WWTR1: variants seen among roughly 807,000 people sequenced by gnomAD.
WWTR1 encodes WW domain-containing transcription regulator protein 1.
A neutral mutation model predicts 40.1 loss-of-function variants in WWTR1; 13 were observed. The observed-to-expected ratio is 0.32, with a 90% CI of 0.21 to 0.52. The LOEUF is 0.52. Ranked by LOEUF, WWTR1 falls within the 20% of genes least tolerant of loss-of-function variation. The pLI is 0.97. For missense variants in WWTR1, 436 were observed against 523.1 expected, an observed-to-expected ratio of 0.83 and a Z score of 1.63; for synonymous variants, 230 against 210.1, an observed-to-expected ratio of 1.09 and a Z score of -0.82.
chr3:149,645,474 C>T (rs1712466539), intron 2 of WWTR1, among the ~76,000 whole-genome samples: 1 of 152,160 alleles, frequency 6.6e-6, no homozygotes, highest in African/African-American at 2.4e-5. Context: ...TCAGCCCCTA[C>T]TTTTCACTTT....
intron 3 of WWTR1, among the ~76,000 whole-genome samples, chr3:149,556,019 G>GAA (rs1408970434): frequency 2.0e-5 from 3 of 152,198 alleles, no homozygotes; most frequent in African/African-American, 7.2e-5. Context: ...TCCTAAGGTG[G>GAA]AAACTGTGAG....
At chr3:149,659,810 G>A (rs1713488270), upstream of WWTR1, 1 of 152,028 alleles carries the variant, frequency 6.6e-6, no homozygotes, top group Non-Finnish European at 1.5e-5. Context: ...CCACCAAAGT[G>A]AGCCACTTCC....
intron 2 of WWTR1, among the ~76,000 whole-genome samples, chr3:149,666,184 G>A (rs1713811050): frequency 1.3e-5 from 2 of 151,258 alleles, no homozygotes; most frequent in South Asian, 2.1e-4. Flanking sequence ...GGTGACAAGA[G>A]TCAAGTATAT....
At chr3:149,552,960 G>C (rs530180736) in intron 3 of WWTR1, among the ~76,000 whole-genome samples, 10 of 152,246 alleles carry the variant, frequency 6.6e-5, no homozygotes, top group African/African-American at 2.2e-4. Context: ...CATTTCTCAA[G>C]TGTCATGCTG....
intron 4 of WWTR1, among the ~76,000 whole-genome samples, chr3:149,541,422 TG>T (rs1323018304): frequency 3.3e-5 from 5 of 152,308 alleles, no homozygotes; most frequent in Non-Finnish European, 7.4e-5. Flanking sequence ...GAATGGAGTA[TG>T]GTACAAAAGT....
At chr3:149,598,935 G>A (rs568129323) in intron 2 of WWTR1, among the ~76,000 whole-genome samples, 38 of 152,150 alleles carry the variant, frequency 2.5e-4, no homozygotes, top group African/African-American at 8.4e-4. Context: ...CTTATTACTT[G>A]TAAGTCATTA....
intron 2 of WWTR1, among the ~76,000 whole-genome samples, chr3:149,608,677 C>A (rs969884324): frequency 1.3e-5 from 2 of 152,078 alleles, no homozygotes; most frequent in African/African-American, 4.8e-5. Context: ...GTGTGAGTCA[C>A]CACGCCAGGC....
intron 3 of WWTR1, among the ~76,000 whole-genome samples, chr3:149,548,854 G>A (rs1261454861): frequency 1.3e-5 from 2 of 152,156 alleles, no homozygotes; most frequent in East Asian, 1.9e-4. Flanking sequence ...TTTTGTTAAT[G>A]TGTCAGAGGC....
chr3:149,535,206 T>A (rs112656763), intron 4 of WWTR1, among the ~76,000 whole-genome samples: 9 of 149,038 alleles, frequency 6.0e-5, no homozygotes, highest in Admixed American at 2.7e-4. Context: ...GTTTTAATTA[T>A]AAAGGGTGGG....
At chr3:149,580,111 G>A (rs150534392) in intron 2 of WWTR1, among the ~76,000 whole-genome samples, 1 of 152,278 alleles carries the variant, frequency 6.6e-6, no homozygotes, top group Non-Finnish European at 1.5e-5. Flanking sequence ...TTACTTTCTC[G>A]TTGTATGTTG....
intron 1 of WWTR1, among the ~76,000 whole-genome samples, chr3:149,698,444 T>G (rs944764367): frequency 3.9e-5 from 6 of 152,328 alleles, no homozygotes; most frequent in Middle Eastern, 3.4e-3. Flanking sequence ...GTGAGTCAAT[T>G]AAACCTCTTT....
intron 2 of WWTR1, among the ~76,000 whole-genome samples, chr3:149,666,518 A>AATCTAGTTATG (rs1225612621): frequency 1.3e-5 from 2 of 152,218 alleles, no homozygotes; most frequent in East Asian, 3.8e-4. Flanking sequence ...AAGACATCTC[A>AATCTAGTTATG]ATCTAGTTAT....
upstream of WWTR1, among the ~76,000 whole-genome samples, chr3:149,661,733 GTTTTTTT>G (rs369645645): frequency 7.5e-6 from 1 of 133,864 alleles, no homozygotes; most frequent in African/African-American, 2.8e-5. Context: ...CACAAATAAA[GTTTTTTT>G]TTTTTTTTTT....
chr3:149,585,536 T>G (rs531635560), intron 2 of WWTR1, among the ~76,000 whole-genome samples: 3 of 147,340 alleles, frequency 2.0e-5, no homozygotes, highest in African/African-American at 7.6e-5. Flanking sequence ...TCTCACATAG[T>G]TCCCCCACCA....
chr3:149,620,685 C>A (rs1004366105), intron 2 of WWTR1, among the ~76,000 whole-genome samples: 10 of 152,132 alleles, frequency 6.6e-5, no homozygotes, highest in East Asian at 1.9e-4. Context: ...ATGCCTAGAT[C>A]ATTTTTATCT....
At chr3:149,644,513 C>A (rs1712372029) in intron 2 of WWTR1, among the ~76,000 whole-genome samples, 2 of 152,104 alleles carry the variant, frequency 1.3e-5, no homozygotes, top group Non-Finnish European at 2.9e-5. Context: ...AGTCAAATCC[C>A]AGTCTCTAGA....
chr3:149,681,964 C>T (rs1714470147), intron 1 of WWTR1, among the ~76,000 whole-genome samples: 2 of 152,128 alleles, frequency 1.3e-5, no homozygotes, highest in Non-Finnish European at 2.9e-5. Flanking sequence ...AGCTGCTGTA[C>T]AACATTGTGC....
At chr3:149,611,328 C>T (rs1480725782) in intron 2 of WWTR1, among the ~76,000 whole-genome samples, 2 of 152,242 alleles carry the variant, frequency 1.3e-5, no homozygotes, top group East Asian at 3.9e-4. Context: ...CAGCTTGTTT[C>T]TGTGAATAAA....
Position 149,519,200 on chromosome 3 carries a change from G to A in WWTR1, c.*1605C>T, listed in dbSNP as rs1658432864. 1 of 152,180 alleles carries A rather than the reference G, an allele frequency of 6.6e-6. No homozygotes were observed. Among genetic ancestry groups the A allele is most frequent in the Non-Finnish European group, 1.5e-5 (1 of 68,024 alleles). The allele number at this position is 152,180 out of a possible 1,614,324, so 9.4% of individuals were successfully genotyped here. On this transcript the variant is annotated 3_prime_UTR_variant, in exon 7 of 7. Coordinates refer to ENST00000360632, the MANE Select transcript of WWTR1 (RefSeq NM_015472.6). ...AGACTGCATGCCAGTTGAACATGAT[G>A]CTCTCTCAGTCCTTAAAAGCTAATT... is the stretch of plus-strand genomic sequence containing the variant.
Sources: allele counts gnomAD v4.1 joint callset (sites outside exome capture counted in the v4.1 genomes callset), GRCh38; gene constraint gnomAD v4.1.1; transcripts MANE v1.5; gene names NCBI Gene and HGNC (gene_info 2026-07-23, HGNC 2026-07-21).